Variants in SSBP3 observed in about 807,000 individuals in gnomAD.
SSBP3 encodes single stranded DNA binding protein 3.
Under a neutral mutation model 69.6 loss-of-function variants are expected in SSBP3, and 5 were observed. The observed-to-expected ratio is 0.07, with a 90% CI of 0.04 to 0.15. The LOEUF is 0.15. Among genes scored for constraint, SSBP3 ranks in the 10% least tolerant of loss-of-function variants. SSBP3 has a pLI of 1.00. For missense variants in SSBP3, 312 were observed against 534.0 expected, an observed-to-expected ratio of 0.58 and a Z score of 4.10; for synonymous variants, 196 against 193.4, an observed-to-expected ratio of 1.01 and a Z score of -0.11.
chr1:54,333,168 C>T (rs960742339), intron 4 of SSBP3, among the ~76,000 whole-genome samples: 2 of 152,126 alleles, frequency 1.3e-5, no homozygotes, highest in African/African-American at 4.8e-5. Flanking sequence ...GCCCTGGGAG[C>T]CAGCCAGCTA....
chr1:54,313,403 A>AG (rs1340704340), intron 4 of SSBP3, among the ~76,000 whole-genome samples: 2 of 137,098 alleles, frequency 1.5e-5, no homozygotes, highest in African/African-American at 2.7e-5. Context: ...GCCAGGAACT[A>AG]GGGGGGCTCA....
intron 4 of SSBP3, among the ~76,000 whole-genome samples, chr1:54,366,949 T>C (rs527563178): frequency 5.9e-5 from 9 of 152,336 alleles, no homozygotes; most frequent in Admixed American, 5.2e-4. Flanking sequence ...TGAGTGACAC[T>C]GTTCATGGCA....
exon 13 of SSBP3, chr1:54,240,921 A>G (rs745613269): frequency 6.2e-6 from 10 of 1,612,494 alleles, no homozygotes; most frequent in Non-Finnish European, 8.5e-6. Context: ...GACTGGGCAT[A>G]ATGGGTGTTC....
At chr1:54,284,776 A>G (rs1163019193) in intron 4 of SSBP3, among the ~76,000 whole-genome samples, 2 of 152,180 alleles carry the variant, frequency 1.3e-5, no homozygotes, top group African/African-American at 2.4e-5. Context: ...GCCTAAAAAA[A>G]AAATTAAATG....
At chr1:54,409,824 T>C (rs138161825), upstream of SSBP3, among the ~76,000 whole-genome samples, 498 of 152,294 alleles carry the variant, frequency 3.3e-3, 2 homozygotes, top group African/African-American at 0.011. Flanking sequence ...TACGCTGTTC[T>C]AGGCCTTGGG....
At chr1:54,296,851 G>A (rs1341389203) in intron 4 of SSBP3, among the ~76,000 whole-genome samples, 2 of 152,262 alleles carry the variant, frequency 1.3e-5, no homozygotes, top group South Asian at 2.1e-4. Context: ...CAGACTCCCA[G>A]AGCCTTGCCA....
intron 14 of SSBP3, among the ~76,000 whole-genome samples, chr1:54,231,898 T>G (rs1227725719): frequency 2.0e-5 from 3 of 152,056 alleles, no homozygotes; most frequent in Non-Finnish European, 4.4e-5. Context: ...TTCACCACAT[T>G]GGCCAAGCTG....
intron 4 of SSBP3, among the ~76,000 whole-genome samples, chr1:54,304,898 AT>A (rs570379805): frequency 4.7e-4 from 71 of 152,246 alleles, no homozygotes; most frequent in Non-Finnish European, 9.3e-4. Context: ...AGAGAAACAC[AT>A]TCTCAGAGCC....
rs922373364 is a variant in SSBP3, at chr1:54,228,236, G to A, written c.1137+19C>T. 1.9e-6 allele frequency: 3 copies of A among 1,610,842 alleles called. No individual in the cohort carries two copies. The highest frequency in any genetic ancestry group is 2.7e-5 in the African/African-American group (2 of 74,988). Reference sequence around the variant, plus strand: ...CCAGGCCGTGGGGACGAGAGCAACAGGCAGGGGGCGAGGCTTACATTGTCG... The same window carrying A: ...CCAGGCCGTGGGGACGAGAGCAACAAGCAGGGGGCGAGGCTTACATTGTCG... On this transcript the variant is annotated intron_variant, in intron 17 of 17. Transcript: ENST00000610401.
At chr1:54,279,736 C>T (rs1645356907) in intron 5 of SSBP3, among the ~76,000 whole-genome samples, 1 of 152,366 alleles carries the variant, frequency 6.6e-6, no homozygotes, top group Non-Finnish European at 1.5e-5. Flanking sequence ...GCGCCATCTG[C>T]AGCAGCCAGG....
intron 9 of SSBP3, among the ~76,000 whole-genome samples, chr1:54,249,673 A>G (rs1325931615): frequency 7.2e-5 from 11 of 151,850 alleles, no homozygotes; most frequent in Admixed American, 4.6e-4. Context: ...AATAAAATAA[A>G]GAATAAAAAA....
intron 4 of SSBP3, among the ~76,000 whole-genome samples, chr1:54,389,037 T>C (rs945465160): frequency 1.3e-5 from 2 of 152,206 alleles, no homozygotes; most frequent in Non-Finnish European, 2.9e-5. Context: ...ATTGTTTAAG[T>C]TCTAGAAGAA....
intron 4 of SSBP3, among the ~76,000 whole-genome samples, chr1:54,325,737 C>T (rs542864035): frequency 1.3e-5 from 2 of 152,234 alleles, no homozygotes; most frequent in African/African-American, 2.4e-5. Flanking sequence ...TCAAACAGTT[C>T]GAAAAGGATT....
chr1:54,391,372 T>C (rs932714800), intron 4 of SSBP3, among the ~76,000 whole-genome samples: 3 of 152,292 alleles, frequency 2.0e-5, no homozygotes, highest in East Asian at 1.9e-4. Context: ...CCAAATCCCA[T>C]GTACAGCCCA....
chr1:54,395,690 G>A (rs1648813520), intron 4 of SSBP3, among the ~76,000 whole-genome samples: 1 of 152,132 alleles, frequency 6.6e-6, no homozygotes. Context: ...TTCTACAGAT[G>A]GGAAAACTGA....
chr1:54,260,658 G>T (rs976725048), intron 5 of SSBP3, among the ~76,000 whole-genome samples: 1 of 152,222 alleles, frequency 6.6e-6, no homozygotes, highest in Non-Finnish European at 1.5e-5. Flanking sequence ...TGCTCTTGGC[G>T]CAGCTGCCTC....
chr1:54,340,679 G>C (rs1349933690), intron 4 of SSBP3, among the ~76,000 whole-genome samples: 3 of 152,238 alleles, frequency 2.0e-5, no homozygotes, highest in Non-Finnish European at 2.9e-5. Context: ...TGACTGATAA[G>C]GGGACAAAGG....
chr1:54,313,488 T>C (rs1210999440), intron 4 of SSBP3, among the ~76,000 whole-genome samples: 1 of 144,648 alleles, frequency 6.9e-6, no homozygotes, highest in Non-Finnish European at 1.5e-5. Flanking sequence ...GGTCTCACTA[T>C]GTTGCCGAGG....
intron 4 of SSBP3, among the ~76,000 whole-genome samples, chr1:54,351,313 A>G (rs985392313): frequency 4.6e-5 from 7 of 152,208 alleles, no homozygotes; most frequent in Non-Finnish European, 1.0e-4. Context: ...TACAGAACAC[A>G]TAACTTCTTC....
Sources: gnomAD v4.1 joint callset for allele counts (sites outside exome capture counted in the v4.1 genomes callset) on GRCh38, gnomAD v4.1.1 for gene constraint, MANE v1.5 for transcripts, NCBI Gene and HGNC (gene_info 2026-07-23, HGNC 2026-07-21) for gene names.